ROBO2: variants seen among roughly 807,000 people sequenced by gnomAD.
ROBO2 encodes roundabout guidance receptor 2.
A neutral mutation model predicts 160.8 loss-of-function variants in ROBO2; 53 were observed. That is an observed-to-expected ratio of 0.33 (90% CI 0.26 to 0.41). The LOEUF (loss-of-function observed/expected upper bound fraction) is 0.41, where lower values mean the gene tolerates loss of function less well. Ranked by LOEUF, ROBO2 falls within the 10% of genes least tolerant of loss-of-function variation. ROBO2 has a pLI of 1.00. For missense variants in ROBO2, 1,577 were observed against 1,722.4 expected (o/e 0.92, Z 1.49); for synonymous variants, 664 against 611.7 (o/e 1.09, Z -1.26).
Position 77,289,391 on chromosome 3 carries a change from T to C in ROBO2, c.389-188023T>C, listed in dbSNP as rs59302359. 4.9e-3 allele frequency among the ~76,000 whole-genome samples: 743 copies of C among 150,580 alleles called. 5 individuals carry two copies. The highest frequency in any genetic ancestry group is 0.017 in the African/African-American group (713 of 40,896). ...AGACTAGATCACCCCAGACATAAAG[T>C]AAAATTGACGTTTAAACGGGGACAC... On this transcript the variant is annotated intron_variant, in intron 2 of 25. Transcript: ENST00000461745.
chr3:76,222,491 G>A (rs1180901963), intron 2 of ROBO2, among the ~76,000 whole-genome samples: 6 of 149,488 alleles, frequency 4.0e-5, no homozygotes, highest in Non-Finnish European at 8.9e-5. Context: ...CAACCCTTGA[G>A]ATCTTATTGG....
At chr3:77,468,683 C>A (rs1365051401) in intron 2 of ROBO2, among the ~76,000 whole-genome samples, 2 of 152,182 alleles carry the variant, frequency 1.3e-5, no homozygotes, top group Non-Finnish European at 2.9e-5. Context: ...TTATTCCCTG[C>A]AGAATACTAG....
intron 2 of ROBO2, among the ~76,000 whole-genome samples, chr3:76,455,997 GTTTC>G (rs1223903180): frequency 6.6e-6 from 1 of 152,146 alleles, no homozygotes; most frequent in Non-Finnish European, 1.5e-5. Context: ...AAAGGCTGGT[GTTTC>G]TTTGTGTTGA....
At chr3:76,228,150 C>A (rs1172638942) in intron 2 of ROBO2, among the ~76,000 whole-genome samples, 1 of 152,106 alleles carries the variant, frequency 6.6e-6, no homozygotes, top group African/African-American at 2.4e-5. Flanking sequence ...TTGTGAAAGA[C>A]CTTGGCAGTC....
intron 2 of ROBO2, among the ~76,000 whole-genome samples, chr3:77,239,866 A>T (rs2088707555): frequency 1.3e-5 from 2 of 152,150 alleles, no homozygotes. Context: ...TAGATGTAAA[A>T]GTTCTCCAAG....
rs534770700 is a variant in ROBO2 at position 77,267,952 on chromosome 3, T to C, written c.388+169612T>C. ...CCTTTCTACACAACAGAGCACATTATTTTGCATCATGATCACACTCAGTGA... is the reference window on the plus strand; with the variant it reads ...CCTTTCTACACAACAGAGCACATTACTTTGCATCATGATCACACTCAGTGA... On this transcript the variant is annotated intron_variant, in intron 2 of 25. Transcript: ENST00000461745. Among the ~76,000 whole-genome samples, 4 of 152,300 alleles carry C rather than the reference T, an allele frequency of 2.6e-5. No homozygotes were observed. In the South Asian group the frequency reaches 8.3e-4, roughly 32 times the overall value.
chr3:76,736,792 A>G (rs192763397), intron 2 of ROBO2, among the ~76,000 whole-genome samples: 19 of 152,304 alleles, frequency 1.2e-4, no homozygotes, highest in African/African-American at 4.6e-4. Flanking sequence ...AATCCATGAA[A>G]ATTTTGGATA....
chr3:76,071,809 TA>T (rs1157894956), intron 2 of ROBO2, among the ~76,000 whole-genome samples: 2 of 152,026 alleles, frequency 1.3e-5, no homozygotes, highest in Non-Finnish European at 2.9e-5. Context: ...TTATTATTAT[TA>T]ATTAAAAGCT....
intron 2 of ROBO2, among the ~76,000 whole-genome samples, chr3:77,125,227 G>T (rs561020835): frequency 1.3e-5 from 2 of 152,176 alleles, no homozygotes; most frequent in Admixed American, 6.5e-5. Flanking sequence ...AATAGTTGTG[G>T]TCTGTCTGCA....
intron 2 of ROBO2, among the ~76,000 whole-genome samples, chr3:77,409,544 G>A (rs2076530244): frequency 6.6e-6 from 1 of 152,026 alleles, no homozygotes; most frequent in Admixed American, 6.6e-5. Context: ...ATCCCAGCTG[G>A]GGGGATGAGT....
At position 77,577,566 on chromosome 3, in the gene ROBO2, G is replaced by A; in HGVS notation, c.2280G>A (p.Trp760Ter). 1 of 1,613,256 alleles carries A rather than the reference G, an allele frequency of 6.2e-7. No individual in the cohort carries two copies. The highest frequency in any genetic ancestry group is 1.1e-5 in the South Asian group (1 of 91,070). The change falls in exon 15 of 26, where the codon TGG becomes TGA. Residue 760 changes from tryptophan to a stop codon, truncating the protein, a stop_gained. Transcript: ENST00000461745. LOFTEE classifies it high-confidence loss of function. ...ATAGCACAAGTATTAGTGTTTCCTG[G>A]GATCCTCCTCCTCCAGATCACCAGA...
At chr3:77,466,942 G>A (rs956318234) in intron 2 of ROBO2, among the ~76,000 whole-genome samples, 2 of 152,160 alleles carry the variant, frequency 1.3e-5, no homozygotes, top group Non-Finnish European at 2.9e-5. Context: ...AAATATCGGA[G>A]CAATAACACG....
chr3:76,288,714 C>T (rs1185296562), intron 2 of ROBO2, among the ~76,000 whole-genome samples: 1 of 152,110 alleles, frequency 6.6e-6, no homozygotes, highest in Non-Finnish European at 1.5e-5. Flanking sequence ...ATGTTTAGCT[C>T]TCACTCATAA....
intron 2 of ROBO2, among the ~76,000 whole-genome samples, chr3:75,966,274 T>A (rs922423482): frequency 4.0e-5 from 6 of 151,400 alleles, no homozygotes; most frequent in Admixed American, 2.0e-4. Flanking sequence ...ATAACGTTTT[T>A]TTTTAAAGAG....
intron 2 of ROBO2, among the ~76,000 whole-genome samples, chr3:76,071,367 A>C (rs1430318947): frequency 6.6e-6 from 1 of 152,176 alleles, no homozygotes; most frequent in Non-Finnish European, 1.5e-5. Flanking sequence ...CATCCTACTT[A>C]ATTACTACAG....
intron 2 of ROBO2, among the ~76,000 whole-genome samples, chr3:76,469,854 T>G (rs1479968925): frequency 6.6e-6 from 1 of 152,164 alleles, no homozygotes; most frequent in East Asian, 1.9e-4. Flanking sequence ...CTCACTACAC[T>G]GTAAGAACCA....
intron 2 of ROBO2, among the ~76,000 whole-genome samples, chr3:77,243,317 A>G (rs1330340176): frequency 6.6e-6 from 1 of 152,190 alleles, no homozygotes; most frequent in African/African-American, 2.4e-5. Flanking sequence ...AGCCCTTTGA[A>G]TAATCATTTA....
intron 2 of ROBO2, among the ~76,000 whole-genome samples, chr3:76,271,529 AAAT>A (rs1477075113): frequency 1.3e-5 from 2 of 150,166 alleles, no homozygotes; most frequent in African/African-American, 4.9e-5. Flanking sequence ...TTAAGTTAAT[AAAT>A]AATACCTGTC....
At chr3:77,362,017 A>T (rs1252415796) in intron 2 of ROBO2, among the ~76,000 whole-genome samples, 1 of 152,192 alleles carries the variant, frequency 6.6e-6, no homozygotes, top group Admixed American at 6.6e-5. Context: ...AACATTAACC[A>T]AATAATCTCA....
Sources: gnomAD v4.1 joint callset for allele counts (sites outside exome capture counted in the v4.1 genomes callset) on GRCh38, gnomAD v4.1.1 for gene constraint, MANE v1.5 for transcripts, NCBI Gene and HGNC (gene_info 2026-07-23, HGNC 2026-07-21) for gene names.